The following EMSY variants were observed in gnomAD, a reference collection of about 807,000 sequenced individuals.
The protein encoded by EMSY is BRCA2-interacting transcriptional repressor EMSY.
EMSY carries 26 observed loss-of-function variants against 134.6 expected under a neutral mutation model. The ratio of observed to expected loss-of-function variants is 0.19; its 90% CI spans 0.14 to 0.27. The LOEUF (loss-of-function observed/expected upper bound fraction) is 0.27. Ranked by LOEUF, EMSY falls within the 10% of genes least tolerant of loss-of-function variation. The probability of loss-of-function intolerance (pLI) is 1.00; values close to 1 mark genes in which losing one functional copy is unlikely to be tolerated. For synonymous variants in EMSY, 579 were observed against 577.8 expected (o/e 1.00, Z -0.03); for missense variants, 1,305 against 1,611.4 (o/e 0.81, Z 3.26).
intron 9 of EMSY, among the ~76,000 whole-genome samples, chr11:76,500,211 A>G (rs1459392608): frequency 1.3e-5 from 2 of 152,162 alleles, no homozygotes; most frequent in East Asian, 1.9e-4. Context: ...AGATTTCACC[A>G]TATCTAATGT....
chr11:76,516,079 T>C (rs1253960013), intron 10 of EMSY, 63 bp from the exon 12 acceptor site: 3 of 1,391,600 alleles, frequency 2.2e-6, no homozygotes, highest in African/African-American at 1.4e-5. Flanking sequence ...AGTTAAACTG[T>C]ATTAATTATC....
intron 8 of EMSY, among the ~76,000 whole-genome samples, chr11:76,487,362 AT>A (rs1375459906): frequency 6.6e-6 from 1 of 152,150 alleles, no homozygotes; most frequent in Non-Finnish European, 1.5e-5. Context: ...TCAAAACACA[AT>A]ATCATAGGTA....
rs776547425 is a variant in EMSY, at chr11:76,513,371, T to C, written c.1364-15T>C. The C allele has an allele frequency of 6.8e-6, 11 of 1,611,920 alleles. No individual in the cohort carries two copies. Among genetic ancestry groups the C allele is most frequent in the Non-Finnish European group, 9.3e-6 (11 of 1,178,972 alleles). ...AAAATAATTTGTGCTGAGATTTATC[T>C]TTCTTCTTTCAAAGGTGTTAAAATC... On this transcript the variant is annotated splice_polypyrimidine_tract_variant and intron_variant, in intron 9 of 20. Transcript: ENST00000334736.
chr11:76,531,792 C>G (rs186296630), intron 14 of EMSY, among the ~76,000 whole-genome samples: 4 of 152,260 alleles, frequency 2.6e-5, no homozygotes, highest in African/African-American at 9.6e-5. Context: ...TGGCATTCCA[C>G]TATAAGGAAA....
At chr11:76,468,305 T>C (rs1378281193) in intron 7 of EMSY, among the ~76,000 whole-genome samples, 1 of 152,168 alleles carries the variant, frequency 6.6e-6, no homozygotes, top group Non-Finnish European at 1.5e-5. Flanking sequence ...ACCTTAGATT[T>C]GGCTTACTAT....
intron 11 of EMSY, 69 bp downstream of exon 12, chr11:76,516,381 A>T (rs2136171504): frequency 8.5e-7 from 1 of 1,170,354 alleles, no homozygotes; most frequent in South Asian, 2.0e-5. Flanking sequence ...AACTTACTTC[A>T]TTGAAGGATT....
At chr11:76,522,341 C>G (rs934938341) in intron 11 of EMSY, among the ~76,000 whole-genome samples, 4 of 92,244 alleles carry the variant, frequency 4.3e-5, no homozygotes, top group Non-Finnish European at 9.2e-5. Context: ...TTTTGTATAT[C>G]GTTTACTTTG....
intron 7 of EMSY, among the ~76,000 whole-genome samples, chr11:76,467,332 G>A (rs1948391659): frequency 6.6e-6 from 1 of 152,200 alleles, no homozygotes; most frequent in Non-Finnish European, 1.5e-5. Context: ...CCTGCTTCTT[G>A]TCTAGTCTTT....
chr11:76,546,694 G>A (rs1591034570), intron 20 of EMSY, among the ~76,000 whole-genome samples: 1 of 152,150 alleles, frequency 6.6e-6, no homozygotes, highest in African/African-American at 2.4e-5. Flanking sequence ...TAACTGGATT[G>A]CACTTCTATT....
intron 9 of EMSY, among the ~76,000 whole-genome samples, chr11:76,501,926 A>G (rs1475573434): frequency 6.6e-6 from 1 of 152,024 alleles, no homozygotes; most frequent in African/African-American, 2.4e-5. Context: ...AAAATCTTGA[A>G]CACAGCAAGA....
chr11:76,508,969 G>C (rs755399596), intron 9 of EMSY, among the ~76,000 whole-genome samples: 5 of 152,130 alleles, frequency 3.3e-5, no homozygotes, highest in Admixed American at 1.3e-4. Context: ...AGAATGTCCA[G>C]TTCGTGAAGC....
At chr11:76,484,805 A>G (rs776466060) in intron 8 of EMSY, among the ~76,000 whole-genome samples, 4 of 151,972 alleles carry the variant, frequency 2.6e-5, no homozygotes, top group African/African-American at 4.8e-5. Context: ...ATGGTGGCAC[A>G]TGCCTGTAAT....
At position 76,453,066 on chromosome 11, in the gene EMSY, G is replaced by A. The variant is rs183415403; in HGVS notation, c.171-248G>A. Among the ~76,000 whole-genome samples, 377 of 152,214 alleles carry A rather than the reference G, an allele frequency of 2.5e-3. 1 individual carries two copies. Among genetic ancestry groups the A allele is most frequent in the Middle Eastern group, 3.4e-3 (1 of 294 alleles). On this transcript the variant is annotated intron_variant, in intron 3 of 20. Transcript: ENST00000334736. ...TTTGGAAGTAATACCTTGATATCAG[G>A]CTGAATTTGTCTTCTTATGATTTCT...
At chr11:76,513,641 A>G (rs1950351459) in intron 10 of EMSY, 106 bp downstream of exon 11, 3 of 1,228,564 alleles carry the variant, frequency 2.4e-6, no homozygotes, top group African/African-American at 3.0e-5. Context: ...TTAATGGGAC[A>G]GTTTTTCAAA....
At chr11:76,449,480 ATGTCT>A (rs1219701886) in intron 2 of EMSY, among the ~76,000 whole-genome samples, 3 of 152,196 alleles carry the variant, frequency 2.0e-5, no homozygotes, top group African/African-American at 7.2e-5. Flanking sequence ...CTCTGAAGTA[ATGTCT>A]TGATCATCAT....
At chr11:76,544,685 G>A in exon 19 of EMSY, 16 of 1,614,102 alleles carry the variant, frequency 9.9e-6, no homozygotes, top group Non-Finnish European at 1.4e-5. Flanking sequence ...TGTAGTACAG[G>A]TGCTTGCAGT....
chr11:76,498,250 A>C (rs1027048144), intron 9 of EMSY, among the ~76,000 whole-genome samples: 3 of 152,098 alleles, frequency 2.0e-5, no homozygotes, highest in Non-Finnish European at 4.4e-5. Flanking sequence ...AATATGTTCA[A>C]CTTTGGTGGG....
At chr11:76,463,719 A>G (rs1410479941) in intron 6 of EMSY, 102 bp from the exon 8 acceptor site, 2 of 1,326,400 alleles carry the variant, frequency 1.5e-6, no homozygotes, top group Non-Finnish European at 2.1e-6. Context: ...CTAATGGCTT[A>G]AGACAGAGAG....
chr11:76,472,405 G>A (rs1385380337), intron 7 of EMSY, among the ~76,000 whole-genome samples, 159 bp from the exon 9 acceptor site: 1 of 152,086 alleles, frequency 6.6e-6, no homozygotes, highest in Admixed American at 6.5e-5. Flanking sequence ...ATGATTACTA[G>A]TAAAGGAAAA....
Sources: allele counts gnomAD v4.1 joint callset (sites outside exome capture counted in the v4.1 genomes callset), GRCh38; gene constraint gnomAD v4.1.1; transcripts MANE v1.5; gene names NCBI Gene and HGNC (gene_info 2026-07-23, HGNC 2026-07-21).